The following SMC4 variants were observed in gnomAD, a reference collection of about 807,000 sequenced individuals.
The protein encoded by SMC4 is structural maintenance of chromosomes protein 4.
A neutral mutation model predicts 145.6 loss-of-function variants in SMC4; 87 were observed. That is an observed-to-expected ratio of 0.60 (90% CI 0.50 to 0.71). The LOEUF (loss-of-function observed/expected upper bound fraction) is 0.71, where lower values mean the gene tolerates loss of function less well. SMC4 is among the 30% of genes least tolerant of loss of function. SMC4 has a pLI of 0.00. For missense variants in SMC4, 1,447 were observed against 1,537.1 expected, an observed-to-expected ratio of 0.94 and a Z score of 0.98; for synonymous variants, 558 against 500.7, an observed-to-expected ratio of 1.11 and a Z score of -1.53.
In SMC4 at chr3:160,426,337, AAAGT is replaced by A. The variant is rs1326071542; in HGVS notation, c.2605+142_2605+145del. 4.4e-5 allele frequency: 31 copies of A among 707,466 alleles called. No homozygotes were observed. In the Admixed American group the frequency reaches 5.7e-4, roughly 13 times the overall value. The allele number at this position is 707,466 out of a possible 1,614,324, so 43.8% of individuals were successfully genotyped here. On this transcript the variant is annotated intron_variant, in intron 17 of 23. Coordinates refer to ENST00000357388, the MANE Select transcript of SMC4 (RefSeq NM_001002800.3). ...TGCACTATTTTATGGTGTTTGTTAT[AAAGT>A]AAGTGTTATTAATAGTCTCATTTGA...
At chr3:160,425,058 A>G (rs925720121) in intron 16 of SMC4, 39 bp downstream of exon 16, 5 of 608,346 alleles carry the variant, frequency 8.2e-6, no homozygotes, top group South Asian at 8.0e-5. Context: ...GTGTGTACTG[A>G]AACTATTGGG....
chr3:160,421,654 GA>G (rs1717190870), intron 13 of SMC4, among the ~76,000 whole-genome samples: 1 of 152,200 alleles, frequency 6.6e-6, no homozygotes. Flanking sequence ...TGAAGCAGGA[GA>G]ATTGCCTAAA....
At chr3:160,423,385 G>A in intron 13 of SMC4, 40 bp from the exon 14 acceptor site, 1 of 556,760 alleles carries the variant, frequency 1.8e-6, no homozygotes. Flanking sequence ...TTTCTTTTTT[G>A]TTAACTGTTG....
At chr3:160,424,127 T>C (rs114153551) in intron 15 of SMC4, among the ~76,000 whole-genome samples, 154 of 152,306 alleles carry the variant, frequency 1.0e-3, no homozygotes, top group African/African-American at 3.7e-3. Context: ...ACATTTAATT[T>C]ATTGGGGTTT....
At chr3:160,412,536 A>C in intron 7 of SMC4, 83 bp downstream of exon 7, 1 of 1,450,946 alleles carries the variant, frequency 6.9e-7, no homozygotes, top group East Asian at 2.5e-5. Context: ...CTAGAGAAAC[A>C]TGAAGACTGA....
Position 160,412,439 on chromosome 3 carries a change from T to C in SMC4, c.966T>C (p.Val322=). ...ENEIFRKKNH[V]CQYYIYELQK... ...AAATATTTAGAAAAAAGAATCATGT[T>C]TGTCAATATTATATGTAAGTGCCTT... The change falls in exon 7 of 24, where the codon GTT becomes GTC. Residue 322 remains valine, a synonymous_variant. Coordinates refer to ENST00000357388, the MANE Select transcript of SMC4 (RefSeq NM_001002800.3). 1 of 1,603,750 alleles carries C rather than the reference T, an allele frequency of 6.2e-7. No homozygotes were observed. Among genetic ancestry groups the C allele is most frequent in the Non-Finnish European group, 8.5e-7 (1 of 1,172,492 alleles).
intron 14 of SMC4, 22 bp from the exon 15 acceptor site, chr3:160,423,739 A>C: frequency 6.2e-7 from 1 of 1,609,812 alleles, no homozygotes; most frequent in Non-Finnish European, 8.5e-7. Flanking sequence ...TCTGAAGCTG[A>C]CTTCTCTCCC....
intron 17 of SMC4, among the ~76,000 whole-genome samples, chr3:160,426,584 A>C (rs2108496404): frequency 1.3e-5 from 2 of 152,196 alleles, no homozygotes; most frequent in South Asian, 4.1e-4. Flanking sequence ...AACAATGTGT[A>C]CTTGAAAACT....
chr3:160,413,323 C>A (rs1716224875), intron 7 of SMC4, 150 bp from the exon 8 acceptor site: 1 of 709,842 alleles, frequency 1.4e-6, no homozygotes, highest in South Asian at 1.9e-5. Context: ...AGCCTTGACC[C>A]AGGGGGATTT....
At chr3:160,424,795 A>C (rs1170285651) in intron 15 of SMC4, 72 bp from the exon 16 acceptor site, 24 of 1,564,054 alleles carry the variant, frequency 1.5e-5, no homozygotes, top group South Asian at 5.6e-5. Context: ...GGGCGACAGA[A>C]GTTTTAGTTT....
chr3:160,403,410 A>G (rs77277795), intron 4 of SMC4, among the ~76,000 whole-genome samples: 5,128 of 152,190 alleles, frequency 0.034, 301 homozygotes, highest in African/African-American at 0.12. Context: ...TAGAGGTAAA[A>G]TGTCTAGATT....
chr3:160,402,120 T>A lies in SMC4; in HGVS notation c.318+27T>A. On this transcript the variant is annotated intron_variant, in intron 3 of 23. Transcript: ENST00000357388. The stretch of plus-strand genomic sequence containing the variant: ...TATTTGTATGGAAATAACTATTTTA[T>A]AACTTTTTAAATAACTATTGTAAGG... 2.1e-6 allele frequency: 3 copies of A among 1,404,796 alleles called. No individual in the cohort carries two copies. In the South Asian group the frequency reaches 4.3e-5, roughly 20 times the overall value. 87.0% of individuals were successfully genotyped at this position (1,404,796 alleles called of 1,614,324 possible).
intron 10 of SMC4, 111 bp from the exon 11 acceptor site, chr3:160,417,612 T>G: frequency 1.2e-6 from 1 of 853,476 alleles, no homozygotes; most frequent in Non-Finnish European, 1.8e-6. Flanking sequence ...TTCTATATAC[T>G]GTGCTTATAG....
chr3:160,425,372 G>C (rs753478589), intron 16 of SMC4, among the ~76,000 whole-genome samples: 5 of 151,834 alleles, frequency 3.3e-5, no homozygotes, highest in Non-Finnish European at 5.9e-5. Context: ...TAAGTTTCCA[G>C]AAAATACCCA....
chr3:160,404,331 G>A lies in SMC4; in HGVS notation c.514G>A (p.Gly172Arg), dbSNP rs541439362. 1 of 1,600,528 alleles carries A rather than the reference G, an allele frequency of 6.2e-7. No homozygotes were observed. The highest frequency in any genetic ancestry group is 1.3e-5 in the African/African-American group (1 of 74,142). Residue 172 changes from glycine (G) to arginine (R), a missense_variant, in exon 5 of 24, where the codon GGG (glycine) becomes AGG (arginine). Physicochemically the swap from Gly to Arg is moderately radical, Grantham distance 125. Transcript: ENST00000357388. ...GTTTTGTTTTTCCTCAAAACAGGAA[G>A]GGGATGATTATGAAGTCATTCCTAA... The part of the protein sequence containing the change: ...VHFQKIIDKE[G>R]DDYEVIPNSN...
chr3:160,423,809 C>T lies in SMC4; in HGVS notation c.2294C>T (p.Ser765Phe), dbSNP rs769861984. The change falls in exon 15 of 24, where the codon TCC becomes TTC. Residue 765 changes from serine (S) to phenylalanine (F), a missense_variant. Transcript: ENST00000357388. ...GSKVMKGRMG[S>F]SLVIEISEEE... ...AAAGTAATGAAAGGAAGAATGGGTT[C>T]CTCACTTGTTATTGAAATCTCTGAA... 1 of 1,613,082 alleles carries T rather than the reference C, an allele frequency of 6.2e-7. No individual in the cohort carries two copies. Among genetic ancestry groups the T allele is most frequent in the Admixed American group, 1.7e-5 (1 of 59,892 alleles).
rs756786863 is a variant in SMC4, at chr3:160,417,805, A to G, written c.1520A>G (p.Asp507Gly). The change falls in exon 11 of 24, where the codon GAT (aspartate) becomes GGT (glycine). Residue 507 changes from aspartate (D) to glycine (G), a missense_variant. By Grantham distance (94) the Asp-to-Gly change is moderately conservative. Transcript: ENST00000357388. Reference sequence around the variant, plus strand: ...ATGGATGTAGCCCAGTCAGAACTTGATATCTATCTCAGTCGTCATAATACT... The same window carrying G: ...ATGGATGTAGCCCAGTCAGAACTTGGTATCTATCTCAGTCGTCATAATACT... ...SKMDVAQSEL[D>G]IYLSRHNTAV... is the part of the protein sequence containing the mutation. The G allele has an allele frequency of 1.9e-6, 3 of 1,613,606 alleles. No homozygotes were observed. The highest frequency in any genetic ancestry group is 2.2e-5 in the East Asian group (1 of 44,862).
At chr3:160,413,810 T>A in intron 8 of SMC4, 197 bp downstream of exon 8, 1 of 389,056 alleles carries the variant, frequency 2.6e-6, no homozygotes, top group Non-Finnish European at 4.6e-6. Flanking sequence ...TCTGAAGTCT[T>A]AGAACCGTGG....
intron 17 of SMC4, among the ~76,000 whole-genome samples, chr3:160,428,280 C>G (rs58776572): frequency 0.12 from 18,839 of 152,186 alleles, 1,934 homozygotes; most frequent in African/African-American, 0.28. Context: ...TTTTACTCTT[C>G]GTTGTCACAG....
Sources: allele counts gnomAD v4.1 joint callset (sites outside exome capture counted in the v4.1 genomes callset), GRCh38; gene constraint gnomAD v4.1.1; transcripts MANE v1.5; gene names NCBI Gene and HGNC (gene_info 2026-07-23, HGNC 2026-07-21).